The following AVL9 variants were observed in gnomAD, a reference collection of about 807,000 sequenced individuals.
AVL9 encodes the protein AVL9 cell migration associated, also known as late secretory pathway protein AVL9 homolog.
A neutral mutation model predicts 79.2 loss-of-function variants in AVL9; 49 were observed. That is an observed-to-expected ratio of 0.62 (90% CI 0.49 to 0.79). AVL9 has a LOEUF of 0.79. AVL9 is among the 30% of genes least tolerant of loss of function. AVL9 has a pLI of 0.00. For synonymous variants in AVL9, 299 were observed against 280.6 expected (o/e 1.07, Z -0.65); for missense variants, 682 against 776.8 (o/e 0.88, Z 1.45).
chr7:32,520,753 T>G (rs1788106751), intron 1 of AVL9, among the ~76,000 whole-genome samples: 1 of 151,856 alleles, frequency 6.6e-6, no homozygotes, highest in Non-Finnish European at 1.5e-5. Context: ...TATGACTGTT[T>G]GAGAAGCTTT....
chr7:32,579,413 T>G (rs1583607672), intron 13 of AVL9, among the ~76,000 whole-genome samples: 1 of 7,676 alleles, frequency 1.3e-4, no homozygotes, highest in Non-Finnish European at 2.3e-4. Context: ...TTATATATAA[T>G]ATGTTATATA....
intron 13 of AVL9, among the ~76,000 whole-genome samples, chr7:32,578,371 C>T (rs1791192708): frequency 1.3e-5 from 2 of 152,114 alleles, no homozygotes; most frequent in South Asian, 4.1e-4. Context: ...CAAATCTACC[C>T]CCAAAAAGAC....
intron 14 of AVL9, 81 bp downstream of exon 14, chr7:32,580,353 T>C: frequency 8.9e-7 from 1 of 1,118,732 alleles, no homozygotes; most frequent in Non-Finnish European, 1.3e-6. Flanking sequence ...GGGAATTGTT[T>C]TTCTCTACTT....
Position 32,585,925 on chromosome 7 carries a change from G to C in AVL9, c.*2018G>C, listed in dbSNP as rs567505228. On this transcript the variant is annotated 3_prime_UTR_variant, in exon 16 of 16. Transcript: ENST00000318709. ...TTCATTCTAACATCTTGTTTCATAA[G>C]GGCCACATCATTCGTTGGAGCATGA... The C allele has an allele frequency of 5.3e-5, 8 of 152,148 alleles. No homozygotes were observed. Among genetic ancestry groups the C allele is most frequent in the Non-Finnish European group, 7.3e-5 (5 of 68,032 alleles). The allele number at this position is 152,148 out of a possible 1,614,324, so 9.4% of individuals were successfully genotyped here. A position where few individuals can be genotyped will look rare whatever the true frequency, so the allele number is the denominator to read the frequency against.
At chr7:32,546,852 TAAAAG>T (rs1266160774) in intron 3 of AVL9, among the ~76,000 whole-genome samples, 4 of 151,814 alleles carry the variant, frequency 2.6e-5, no homozygotes, top group African/African-American at 4.8e-5. Flanking sequence ...AATAAAAAGA[TAAAAG>T]AAACCTGAGA....
At chr7:32,568,349 C>T (rs1355246067) in intron 10 of AVL9, among the ~76,000 whole-genome samples, 3 of 151,700 alleles carry the variant, frequency 2.0e-5, no homozygotes, top group Admixed American at 6.6e-5. Flanking sequence ...TACAGGTGCC[C>T]GCCACCATGC....
chr7:32,553,901 C>T (rs1789950611), intron 7 of AVL9, 134 bp downstream of exon 7: 2 of 576,868 alleles, frequency 3.5e-6, no homozygotes, highest in Non-Finnish European at 6.2e-6. Context: ...TGCTTTAGTT[C>T]TTCTAAGATG....
At chr7:32,517,291 T>TTTTTTC (rs1248547601) in intron 1 of AVL9, among the ~76,000 whole-genome samples, 5 of 151,954 alleles carry the variant, frequency 3.3e-5, no homozygotes, top group African/African-American at 7.2e-5. Flanking sequence ...AGTAAAATCT[T>TTTTTTC]TTTTTCTTTT....
intron 1 of AVL9, among the ~76,000 whole-genome samples, chr7:32,505,656 T>C (rs1787381819): frequency 6.6e-6 from 1 of 152,184 alleles, no homozygotes; most frequent in African/African-American, 2.4e-5. Context: ...TTAAATTGCT[T>C]ATACTAGTAC....
At position 32,558,942 on chromosome 7, in the gene AVL9, T is replaced by C; in HGVS notation, c.693T>C (p.His231=). 6.3e-7 allele frequency: 1 copy of C among 1,582,084 alleles called. No homozygotes were observed. Among genetic ancestry groups the C allele is most frequent in the South Asian group, 1.2e-5 (1 of 84,932 alleles). ...VLSLFPGMIE[H]GLSDCSQYRP... The stretch of plus-strand genomic sequence containing the variant: ...TGCATATTTTAGGCATGATTGAACA[T>C]GGTCTCAGTGACTGTTCTCAGTATA... Residue 231 remains histidine (H), a synonymous_variant, in exon 10 of 16, where the codon CAT becomes CAC. Coordinates refer to ENST00000318709, the MANE Select transcript of AVL9 (RefSeq NM_015060.3).
intron 13 of AVL9, among the ~76,000 whole-genome samples, chr7:32,579,079 A>G (rs1438857839): frequency 6.6e-6 from 1 of 151,484 alleles, no homozygotes; most frequent in East Asian, 1.9e-4. Context: ...ACTTTGGGCC[A>G]TGAAGAGTAG....
chr7:32,575,891 A>T, intron 12 of AVL9, 64 bp from the exon 13 acceptor site: 3 of 1,188,636 alleles, frequency 2.5e-6, no homozygotes, highest in Non-Finnish European at 3.7e-6. Flanking sequence ...CTTTTTGGTT[A>T]TAATCTTCAC....
In AVL9 at chr7:32,570,050, C is replaced by G. The variant is rs1247350481; in HGVS notation, c.1246C>G (p.Gln416Glu). Residue 416 changes from glutamine (Q) to glutamate (E), a missense_variant, in exon 11 of 16, where the codon CAG becomes GAG. Coordinates refer to ENST00000318709, the MANE Select transcript of AVL9 (RefSeq NM_015060.3). ...TCTGTGTTTGCCTTACATGGCATTG[C>G]AGCAGCATCATCTTCTCTCCGATGT... ...GYLCLPYMAL[Q>E]QHHLLSDVTV... 3 of 1,614,056 alleles carry G rather than the reference C, an allele frequency of 1.9e-6. No homozygotes were observed. The highest frequency in any genetic ancestry group is 1.3e-5 in the African/African-American group (1 of 74,926).
chr7:32,576,109 G>T (rs776501600), intron 13 of AVL9, 37 bp downstream of exon 13: 1 of 1,456,598 alleles, frequency 6.9e-7, no homozygotes, highest in East Asian at 2.3e-5. Flanking sequence ...GTACATAAAT[G>T]GTTGGTTTAC....
At chr7:32,517,291 TTTTTTC>T (rs1248547601) in intron 1 of AVL9, among the ~76,000 whole-genome samples, 6 of 151,838 alleles carry the variant, frequency 4.0e-5, no homozygotes, top group Admixed American at 6.6e-5. Flanking sequence ...AGTAAAATCT[TTTTTTC>T]TTTTTCTTTT....
chr7:32,569,520 C>G (rs1375273970), intron 10 of AVL9, among the ~76,000 whole-genome samples: 1 of 152,196 alleles, frequency 6.6e-6, no homozygotes, highest in South Asian at 2.1e-4. Flanking sequence ...TAACAAATAT[C>G]TTGAAATCTT....
At chr7:32,564,668 G>C (rs1790476647) in intron 10 of AVL9, among the ~76,000 whole-genome samples, 1 of 152,174 alleles carries the variant, frequency 6.6e-6, no homozygotes, top group African/African-American at 2.4e-5. Flanking sequence ...CAGTTTCAGA[G>C]AGGAGGCTTA....
In AVL9 at chr7:32,586,472, C is replaced by CCCCACACA. The variant is rs34422070; in HGVS notation, c.*2566_*2567insCCACACAC. On this transcript the variant is annotated 3_prime_UTR_variant, in exon 16 of 16. Transcript: ENST00000318709. ...CCCCTGGTCCTGTGACCCCCCCCCC[C>CCCCACACA]CACACACACACATACTTCAGGCTTG... 2.8e-5 allele frequency: 4 copies of CCCCACACA among 142,954 alleles called. No homozygotes were observed. Among genetic ancestry groups the CCCCACACA allele is most frequent in the African/African-American group, 1.0e-4 (4 of 38,724 alleles). The allele number at this position is 142,954 out of a possible 1,614,324, so 8.9% of individuals were successfully genotyped here.
chr7:32,520,589 A>T (rs1788098250), intron 1 of AVL9, among the ~76,000 whole-genome samples: 2 of 152,228 alleles, frequency 1.3e-5, no homozygotes, highest in African/African-American at 4.8e-5. Context: ...AGCACCCCAG[A>T]TGAAGCAGTT....
Sources: gnomAD v4.1 joint callset for allele counts (sites outside exome capture counted in the v4.1 genomes callset) on GRCh38, gnomAD v4.1.1 for gene constraint, MANE v1.5 for transcripts, NCBI Gene and HGNC (gene_info 2026-07-23, HGNC 2026-07-21) for gene names.